MROH7: variants seen among roughly 807,000 people sequenced by gnomAD.
The protein encoded by MROH7 is maestro heat-like repeat-containing protein family member 7.
In MROH7, 113 loss-of-function variants were observed where a neutral mutation model predicts 129.2. That is an observed-to-expected ratio of 0.87 (90% CI 0.75 to 1.02). The LOEUF is 1.02. Ranked by LOEUF, MROH7 falls within the 50% of genes least tolerant of loss-of-function variation. MROH7 has a pLI of 0.00. For missense variants in MROH7, 1,601 were observed against 1,671.3 expected (o/e 0.96, Z 0.73); for synonymous variants, 655 against 667.9 (o/e 0.98, Z 0.30).
chr1:54,709,117 G>GAGAC, intron 23 of MROH7, 41 bp downstream of exon 23: 1 of 1,585,656 alleles, frequency 6.3e-7, no homozygotes, highest in Non-Finnish European at 8.7e-7. Flanking sequence ...AGGGGACAGT[G>GAGAC]AGACAGTGAG....
Position 54,700,337 on chromosome 1 carries a change from A to G in MROH7, c.2981A>G (p.Gln994Arg), listed in dbSNP as rs925479148. 8 of 1,614,018 alleles carry G rather than the reference A, an allele frequency of 5.0e-6. No homozygotes were observed. The highest frequency in any genetic ancestry group is 6.8e-6 in the Non-Finnish European group (8 of 1,180,014). ...CTCCCTCAGCTCCTCCAGATGGAGC[A>G]GGTGCGCCGGATCCCCGAGGAATAC... ...AFFVELLQMEQVRRIPEEYSL... is the reference protein window; with the variant it reads ...AFFVELLQMERVRRIPEEYSL... Residue 994 changes from glutamine to arginine, a missense_variant, in exon 18 of 24, where the codon CAG becomes CGG. By Grantham distance (43) the Gln-to-Arg change is conservative (BLOSUM62 1). Coordinates refer to ENST00000421030, the MANE Select transcript of MROH7 (RefSeq NM_001039464.4).
chr1:54,702,310 AC>A, intron 20 of MROH7, 65 bp downstream of exon 20: 2 of 1,315,746 alleles, frequency 1.5e-6, no homozygotes, highest in Admixed American at 7.0e-5. Context: ...ACCTCTTTTT[AC>A]GTTAACCAAG....
intron 12 of MROH7, 138 bp from the exon 13 acceptor site, chr1:54,679,753 C>G: frequency 1.2e-6 from 1 of 853,166 alleles, no homozygotes; most frequent in Non-Finnish European, 1.8e-6. Context: ...CTCTGCTTGC[C>G]TCTTCCTCTC....
Position 54,673,796 on chromosome 1 carries a change from G to A in MROH7, c.1791G>A (p.Leu597=). 1 of 1,613,734 alleles carries A rather than the reference G, an allele frequency of 6.2e-7. No homozygotes were observed. The highest frequency in any genetic ancestry group is 2.2e-5 in the East Asian group (1 of 44,856). Residue 597 remains leucine, a synonymous_variant, in exon 9 of 24, where the codon CTG becomes CTA. Transcript: ENST00000421030. The part of the protein sequence containing the change: ...VSVLNHMLLT[L]PFFMPLGFPA... ...TGTTGAACCACATGCTTCTAACTCT[G>A]CCTTTCTTTGTGAGTGGCCCCTGGG...
intron 17 of MROH7, chr1:54,695,766 A>C: frequency 2.2e-5 from 10 of 452,660 alleles, no homozygotes; most frequent in Non-Finnish European, 4.2e-5. Context: ...AGACATATAA[A>C]TGTGAATTTG....
chr1:54,695,374 A>G lies in MROH7; in HGVS notation c.2850-2A>G, dbSNP rs753427856. 8.8e-6 allele frequency: 14 copies of G among 1,599,930 alleles called. No individual in the cohort carries two copies. The highest frequency in any genetic ancestry group is 5.0e-5 in the Admixed American group (3 of 59,482). ...GGGACTACTCCCCCTTCCCACCCCC[A>G]GGGCCATGGTGCAGTACTCCTGCCA... On this transcript the variant is annotated splice_acceptor_variant, in intron 16 of 23. Coordinates refer to ENST00000421030, the MANE Select transcript of MROH7 (RefSeq NM_001039464.4). LOFTEE classifies it high-confidence loss of function.
At chr1:54,706,566 C>A in intron 22 of MROH7, 29 bp downstream of exon 22, 2 of 1,511,408 alleles carry the variant, frequency 1.3e-6, no homozygotes, top group Non-Finnish European at 1.8e-6. Context: ...AGTCATCCTG[C>A]TGCCAGGGCT....
chr1:54,693,103 G>A (rs928862246), intron 16 of MROH7, among the ~76,000 whole-genome samples: 8 of 152,198 alleles, frequency 5.3e-5, no homozygotes, highest in Non-Finnish European at 1.2e-4. Flanking sequence ...TGTTTGAGGC[G>A]GGTGGATCAT....
At chr1:54,649,277 A>G (rs898163397) in intron 1 of MROH7, among the ~76,000 whole-genome samples, 3 of 152,220 alleles carry the variant, frequency 2.0e-5, no homozygotes, top group Non-Finnish European at 4.4e-5. Context: ...CTTAGACAGC[A>G]CTAGTTGTTT....
chr1:54,678,829 G>GC lies in MROH7; in HGVS notation c.2026dup (p.Gln676ProfsTer100). Reference sequence around the variant, plus strand: ...GGGCCCTACAACCCTGTGAGCCCGTGCCAGAACATTCTGCGGGTGATCGAG... The same window carrying GC: ...GGGCCCTACAACCCTGTGAGCCCGTGCCCAGAACATTCTGCGGGTGATCGAG... On this transcript the variant is annotated frameshift_variant, in exon 11 of 24. Coordinates refer to ENST00000421030, the MANE Select transcript of MROH7 (RefSeq NM_001039464.4). LOFTEE classifies it high-confidence loss of function. 1 of 1,613,798 alleles carries GC rather than the reference G, an allele frequency of 6.2e-7. No individual in the cohort carries two copies. Among genetic ancestry groups the GC allele is most frequent in the Non-Finnish European group, 8.5e-7 (1 of 1,179,822 alleles).
At chr1:54,678,512 A>G (rs1321673162) in intron 10 of MROH7, among the ~76,000 whole-genome samples, 1 of 152,170 alleles carries the variant, frequency 6.6e-6, no homozygotes, top group Non-Finnish European at 1.5e-5. Flanking sequence ...AGAAATTAGA[A>G]TAGTATTTAG....
intron 10 of MROH7, among the ~76,000 whole-genome samples, chr1:54,674,758 A>T (rs1430252161): frequency 6.6e-6 from 1 of 152,148 alleles, no homozygotes; most frequent in African/African-American, 2.4e-5. Context: ...GGTGCACAGT[A>T]TCAGCTGTCA....
intron 3 of MROH7, among the ~76,000 whole-genome samples, chr1:54,659,455 G>A (rs1171782630): frequency 1.2e-5 from 1 of 86,928 alleles, no homozygotes; most frequent in South Asian, 3.9e-4. Context: ...GCTAATTTTT[G>A]TATTTTTTTT....
In MROH7 at chr1:54,697,457, T is replaced by A. The variant is rs375103977; in HGVS notation, c.2964+1967T>A. ...TACTGCAGGTCACCAGCAGAATGTG[T>A]CACCTCCAGGGAGAGCAAACCTGGC... On this transcript the variant is annotated intron_variant, in intron 17 of 23. Transcript: ENST00000421030. The A allele has an allele frequency of 3.6e-5, 17 of 477,814 alleles. No homozygotes were observed. In the Middle Eastern group the frequency reaches 1.2e-3, roughly 33 times the overall value. 29.6% of individuals were successfully genotyped at this position (477,814 alleles called of 1,614,324 possible). A position where few individuals can be genotyped will look rare whatever the true frequency, so the allele number is the denominator to read the frequency against.
Position 54,686,332 on chromosome 1 carries a change from G to GCTCCT in MROH7, c.2596_2600dup (p.Ala868SerfsTer42), listed in dbSNP as rs753712169. The GCTCCT allele has an allele frequency of 6.2e-7, 1 of 1,614,164 alleles. No individual in the cohort carries two copies. ...GTGTGAGGCGCATCTACCCTCAGCT[G>GCTCCT]CTCCTGGCCCTGCTCATTCAGGTCC... On this transcript the variant is annotated frameshift_variant, in exon 15 of 24. Transcript: ENST00000421030. LOFTEE classifies it high-confidence loss of function.
At chr1:54,678,711 C>T (rs183721112) in intron 10 of MROH7, 31 bp from the exon 11 acceptor site, 154 of 1,501,758 alleles carry the variant, frequency 1.0e-4, no homozygotes, top group Middle Eastern at 8.6e-4. Flanking sequence ...TAGGGAGATC[C>T]GGCCTCACTG....
At chr1:54,684,745 G>C (rs1389549475) in intron 14 of MROH7, among the ~76,000 whole-genome samples, 2 of 152,120 alleles carry the variant, frequency 1.3e-5, no homozygotes, top group African/African-American at 4.8e-5. Context: ...ATATAACCGT[G>C]GTCAATCACT....
Position 54,701,137 on chromosome 1 carries a change from C to T in MROH7, c.3106-6C>T. ...AGCCCTCATCCCAAATGCTCCTGCCCCACAGACCGCCAAGGTGAAGGCCCT... is the reference window on the plus strand; with the variant it reads ...AGCCCTCATCCCAAATGCTCCTGCCTCACAGACCGCCAAGGTGAAGGCCCT... On this transcript the variant is annotated splice_region_variant and splice_polypyrimidine_tract_variant and intron_variant, in intron 18 of 23. Transcript: ENST00000421030. 6.2e-7 allele frequency: 1 copy of T among 1,613,082 alleles called. No individual in the cohort carries two copies. Among genetic ancestry groups the T allele is most frequent in the Non-Finnish European group, 8.5e-7 (1 of 1,179,998 alleles).
At chr1:54,688,661 A>T (rs1021881383) in intron 15 of MROH7, among the ~76,000 whole-genome samples, 3 of 152,112 alleles carry the variant, frequency 2.0e-5, no homozygotes, top group Non-Finnish European at 4.4e-5. Context: ...TGCTGTGAGG[A>T]CCAGATAGGG....
Sources: gnomAD v4.1 joint callset for allele counts (sites outside exome capture counted in the v4.1 genomes callset) on GRCh38, gnomAD v4.1.1 for gene constraint, MANE v1.5 for transcripts, NCBI Gene and HGNC (gene_info 2026-07-23, HGNC 2026-07-21) for gene names.